Variants in SMYD3 observed in about 807,000 individuals in gnomAD.
SMYD3 encodes the protein SET and MYND domain containing 3, also known as histone-lysine N-methyltransferase SMYD3.
A neutral mutation model predicts 57.7 loss-of-function variants in SMYD3; 36 were observed. That is an observed-to-expected ratio of 0.62 (90% CI 0.48 to 0.82). The LOEUF (loss-of-function observed/expected upper bound fraction) is 0.82. Among genes scored for constraint, SMYD3 ranks in the 40% least tolerant of loss-of-function variants. SMYD3 has a pLI of 0.00. For synonymous variants in SMYD3, 211 were observed against 195.0 expected, an observed-to-expected ratio of 1.08 and a Z score of -0.68; for missense variants, 515 against 538.8, an observed-to-expected ratio of 0.96 and a Z score of 0.44.
rs114539158 is a variant in SMYD3, at chr1:246,015,924, G to T, written c.532-85987C>A. On this transcript the variant is annotated intron_variant, in intron 5 of 11. Coordinates refer to ENST00000490107, the MANE Select transcript of SMYD3 (RefSeq NM_001167740.2). The stretch of plus-strand genomic sequence containing the variant: ...TTTGGGGGGTGTATACCTAGAAAGA[G>T]AACTGCTGGATCATATAATAATTTT... Among the ~76,000 whole-genome samples the T allele has an allele frequency of 9.2e-3, 1,402 of 152,288 alleles. 9 individuals carry two copies. The highest frequency in any genetic ancestry group is 0.014 in the Non-Finnish European group (930 of 68,026).
intron 1 of SMYD3, among the ~76,000 whole-genome samples, chr1:246,483,175 G>T (rs1039356617): frequency 3.9e-5 from 6 of 152,198 alleles, no homozygotes; most frequent in African/African-American, 1.4e-4. Context: ...GGTAAAGGAT[G>T]ACTTCCCCCT....
Position 245,957,667 on chromosome 1 carries a change from G to A in SMYD3, c.532-27730C>T, listed in dbSNP as rs76361438. Among the ~76,000 whole-genome samples the A allele has an allele frequency of 4.2e-3, 638 of 152,258 alleles. 3 individuals carry two copies. The highest frequency in any genetic ancestry group is 0.014 in the African/African-American group (578 of 41,572). On this transcript the variant is annotated intron_variant, in intron 5 of 11. Transcript: ENST00000490107. ...CACAAAATGCTTTTTCAAACAAAAC[G>A]TATCTGTCATATCAGTACTGTTTCC...
chr1:246,411,968 AG>A (rs2102986617), intron 1 of SMYD3, among the ~76,000 whole-genome samples: 1 of 123,056 alleles, frequency 8.1e-6, no homozygotes, highest in East Asian at 2.7e-4. Flanking sequence ...TAAAACTTAA[AG>A]TATAATAAAA....
At chr1:246,481,514 T>C (rs2068099653) in intron 1 of SMYD3, among the ~76,000 whole-genome samples, 1 of 147,214 alleles carries the variant, frequency 6.8e-6, no homozygotes, top group Non-Finnish European at 1.5e-5. Flanking sequence ...CCATCAATCC[T>C]CCTGGTTCTC....
At chr1:245,882,512 T>C (rs2052841097) in intron 8 of SMYD3, among the ~76,000 whole-genome samples, 2 of 152,092 alleles carry the variant, frequency 1.3e-5, no homozygotes, top group Admixed American at 1.3e-4. Flanking sequence ...TTCAATCATG[T>C]GGGGGTGAGG....
rs187280599 is a variant in SMYD3, at chr1:245,979,284, G to A, written c.532-49347C>T. Among the ~76,000 whole-genome samples the A allele has an allele frequency of 1.2e-3, 188 of 152,280 alleles. 1 individual carries two copies. The highest frequency in any genetic ancestry group is 2.3e-3 in the Non-Finnish European group (154 of 68,018). ...GGGGTGAATAAGGAAGTTCCATCCTGTCTAAAGGTGTCTGTTATGGGGTGA... is the reference window on the plus strand; with the variant it reads ...GGGGTGAATAAGGAAGTTCCATCCTATCTAAAGGTGTCTGTTATGGGGTGA... On this transcript the variant is annotated intron_variant, in intron 5 of 11. Coordinates refer to ENST00000490107, the MANE Select transcript of SMYD3 (RefSeq NM_001167740.2).
intron 1 of SMYD3, among the ~76,000 whole-genome samples, chr1:246,504,191 A>C (rs1369887547): frequency 6.6e-6 from 1 of 152,210 alleles, no homozygotes; most frequent in Non-Finnish European, 1.5e-5. Context: ...AGAGCAAAGG[A>C]AATCATGTAA....
chr1:245,920,957 A>T (rs1237278767), intron 7 of SMYD3, among the ~76,000 whole-genome samples: 1 of 152,250 alleles, frequency 6.6e-6, no homozygotes, highest in African/African-American at 2.4e-5. Context: ...TAAACTAAAG[A>T]GTTTCTGCAC....
intron 5 of SMYD3, among the ~76,000 whole-genome samples, chr1:246,062,684 C>T (rs563047839): frequency 1.3e-4 from 19 of 151,976 alleles, no homozygotes; most frequent in Admixed American, 4.6e-4. Flanking sequence ...TCTTACCTAC[C>T]CAGTGTATTT....
intron 5 of SMYD3, among the ~76,000 whole-genome samples, chr1:246,228,308 T>G (rs980870366): frequency 6.6e-6 from 1 of 152,124 alleles, no homozygotes; most frequent in Non-Finnish European, 1.5e-5. Flanking sequence ...CAGAAGGCCC[T>G]AAAGCAGGGC....
intron 5 of SMYD3, among the ~76,000 whole-genome samples, chr1:246,249,346 C>T (rs903475517): frequency 5.3e-5 from 8 of 151,786 alleles, no homozygotes; most frequent in Admixed American, 4.6e-4. Flanking sequence ...TTAAGTGATC[C>T]GCCCACCTCA....
At chr1:245,853,839 C>T (rs1430186736) in intron 10 of SMYD3, among the ~76,000 whole-genome samples, 3 of 152,166 alleles carry the variant, frequency 2.0e-5, no homozygotes, top group African/African-American at 7.2e-5. Flanking sequence ...AAACTACCAG[C>T]TGCATTATAC....
intron 1 of SMYD3, among the ~76,000 whole-genome samples, chr1:246,479,052 T>C (rs1289804195): frequency 6.7e-6 from 1 of 149,864 alleles, no homozygotes; most frequent in Non-Finnish European, 1.5e-5. Context: ...TAAGTGCTCA[T>C]ATATGCACAC....
chr1:246,491,846 A>G (rs574060454), intron 1 of SMYD3, among the ~76,000 whole-genome samples: 1 of 152,312 alleles, frequency 6.6e-6, no homozygotes, highest in Non-Finnish European at 1.5e-5. Context: ...TTCACAGAAC[A>G]TGGACCTCAG....
chr1:246,178,551 C>T (rs1291608924), intron 5 of SMYD3, among the ~76,000 whole-genome samples: 3 of 152,134 alleles, frequency 2.0e-5, no homozygotes, highest in Non-Finnish European at 1.5e-5. Flanking sequence ...TCAATATTTA[C>T]TGAAACAAGC....
intron 1 of SMYD3, among the ~76,000 whole-genome samples, chr1:246,442,455 A>C (rs1316752140): frequency 6.6e-6 from 1 of 152,086 alleles, no homozygotes; most frequent in Non-Finnish European, 1.5e-5. Context: ...AGGCTGAGGC[A>C]GGAAATTGCT....
intron 5 of SMYD3, among the ~76,000 whole-genome samples, chr1:246,277,438 T>A (rs373797181): frequency 1.3e-5 from 2 of 152,276 alleles, no homozygotes; most frequent in East Asian, 3.9e-4. Context: ...TATCTTATTT[T>A]AACATGTAAA....
intron 5 of SMYD3, among the ~76,000 whole-genome samples, chr1:245,955,164 T>C (rs1468291144): frequency 6.6e-6 from 1 of 152,204 alleles, no homozygotes; most frequent in Non-Finnish European, 1.5e-5. Context: ...CGATCTCAGC[T>C]CACTGCAAGT....
intron 5 of SMYD3, among the ~76,000 whole-genome samples, chr1:246,253,383 T>A (rs1385518258): frequency 6.6e-6 from 1 of 152,200 alleles, no homozygotes; most frequent in African/African-American, 2.4e-5. Flanking sequence ...GGTTTTTTGT[T>A]CCCGTATTAA....
Sources: allele counts gnomAD v4.1 joint callset (sites outside exome capture counted in the v4.1 genomes callset), GRCh38; gene constraint gnomAD v4.1.1; transcripts MANE v1.5; gene names NCBI Gene and HGNC (gene_info 2026-07-23, HGNC 2026-07-21).